Variants in SSU72L6 observed in about 807,000 individuals in gnomAD.
The protein encoded by SSU72L6 is SSU72 like 6, also known as RNA polymerase II subunit A C-terminal domain phosphatase SSU72 like protein 6.
chr7:124,476,526 T>C, the SSU72L6 span: 1 of 780,588 alleles, frequency 1.3e-6, no homozygotes, highest in African/African-American at 1.7e-5. Context: ...CCAATCATCC[T>C]GTAGTTTACG....
chr7:124,477,256 G>A, the SSU72L6 span, among the ~76,000 whole-genome samples: 1,656 of 152,256 alleles, frequency 0.011, 34 homozygotes, highest in African/African-American at 0.037. Flanking sequence ...GCATTTTCCG[G>A]ATGAGCAAAT....
the SSU72L6 span, chr7:124,476,461 C>CT: frequency 1.3e-6 from 1 of 780,462 alleles, no homozygotes; most frequent in Non-Finnish European, 2.4e-6. Flanking sequence ...GAGAAAAGGG[C>CT]TAAGTGTCCG....
At chr7:124,476,531 T>C in the SSU72L6 span, 1 of 780,598 alleles carries the variant, frequency 1.3e-6, no homozygotes, top group Non-Finnish European at 2.4e-6. Flanking sequence ...CATCCTGTAG[T>C]TTACGATTTT....
chr7:124,476,342 T>C, the SSU72L6 span: 1 of 746,982 alleles, frequency 1.3e-6, no homozygotes, highest in East Asian at 2.4e-5. Flanking sequence ...GAGGTGCCTG[T>C]GTCTCTCTTG....
At chr7:124,476,454 A>G in the SSU72L6 span, 24 of 780,314 alleles carry the variant, frequency 3.1e-5, no homozygotes, top group East Asian at 5.8e-4. Context: ...TCCTCAGGAG[A>G]AAAGGGCTAA....
At chr7:124,476,866 G>A in the SSU72L6 span, 8 of 766,062 alleles carry the variant, frequency 1.0e-5, no homozygotes, top group African/African-American at 3.4e-5. Flanking sequence ...GCAGCAGTCC[G>A]ACGACATGGA....
the SSU72L6 span, among the ~76,000 whole-genome samples, chr7:124,477,319 A>T: frequency 9.2e-5 from 14 of 152,174 alleles, no homozygotes; most frequent in Non-Finnish European, 1.9e-4. Context: ...TATTCAGCAG[A>T]TAAATAACAT....
the SSU72L6 span, chr7:124,477,041 A>C: frequency 1.6e-6 from 1 of 621,932 alleles, no homozygotes; most frequent in Non-Finnish European, 2.9e-6. Context: ...GTATCTACAA[A>C]GACCTTCCAC....
chr7:124,476,684 T>C, the SSU72L6 span: 1 of 780,616 alleles, frequency 1.3e-6, no homozygotes, highest in African/African-American at 1.7e-5. Context: ...ACTGAATTCT[T>C]TGATGTCATC....
At chr7:124,476,903 A>T in the SSU72L6 span, 1 of 764,414 alleles carries the variant, frequency 1.3e-6, no homozygotes, top group Non-Finnish European at 2.4e-6. Flanking sequence ...CTGCTGTTGC[A>T]AATGGAGGAG....
chr7:124,476,367 C>T, the SSU72L6 span: 2 of 770,856 alleles, frequency 2.6e-6, no homozygotes, highest in African/African-American at 1.7e-5. Flanking sequence ...CAGTGGCCAC[C>T]ATCATGCTCT....
the SSU72L6 span, chr7:124,476,440 A>G: frequency 1.3e-6 from 1 of 780,120 alleles, no homozygotes; most frequent in East Asian, 2.4e-5. Context: ...GGAGGCCCAC[A>G]GCATCCTCAG....
At chr7:124,476,727 G>T in the SSU72L6 span, 5 of 780,536 alleles carry the variant, frequency 6.4e-6, no homozygotes, top group Non-Finnish European at 1.2e-5. Flanking sequence ...ATGACACAGT[G>T]GTGGAAGATC....
chr7:124,477,481 T>C, the SSU72L6 span, among the ~76,000 whole-genome samples: 1 of 151,936 alleles, frequency 6.6e-6, no homozygotes, highest in Non-Finnish European at 1.5e-5. Context: ...TAATATTACA[T>C]GTTTGAACCA....
the SSU72L6 span, chr7:124,476,523 T>C: frequency 1.3e-6 from 1 of 780,652 alleles, no homozygotes; most frequent in Non-Finnish European, 2.4e-6. Context: ...GACCCAATCA[T>C]CCTGTAGTTT....
the SSU72L6 span, chr7:124,476,864 C>CCGA: frequency 7.8e-6 from 6 of 766,290 alleles, no homozygotes; most frequent in Non-Finnish European, 9.6e-6. Flanking sequence ...CTGCAGCAGT[C>CCGA]CGACGACATG....
the SSU72L6 span, among the ~76,000 whole-genome samples, chr7:124,477,646 T>TAA: frequency 2.0e-4 from 27 of 133,032 alleles, no homozygotes; most frequent in African/African-American, 7.2e-4. Context: ...AAAATTTAAA[T>TAA]AAAAAAAAAA....
At chr7:124,476,822 G>C in the SSU72L6 span, 1 of 773,342 alleles carries the variant, frequency 1.3e-6, no homozygotes, top group South Asian at 1.3e-5. Flanking sequence ...GCCATCCTGG[G>C]AGCTTTCCTC....
chr7:124,477,313 C>A, the SSU72L6 span, among the ~76,000 whole-genome samples: 1 of 152,008 alleles, frequency 6.6e-6, no homozygotes, highest in Non-Finnish European at 1.5e-5. Flanking sequence ...TAAGGGTATT[C>A]AGCAGATAAA....
Sources: gnomAD v4.1 joint callset for allele counts (sites outside exome capture counted in the v4.1 genomes callset) on GRCh38, gnomAD v4.1.1 for gene constraint, MANE v1.5 for transcripts, NCBI Gene and HGNC (gene_info 2026-07-23, HGNC 2026-07-21) for gene names.